IL1RAPL1: variants seen among roughly 807,000 people sequenced by gnomAD.
IL1RAPL1 encodes interleukin-1 receptor accessory protein-like 1.
IL1RAPL1 carries 3 observed loss-of-function variants against 48.4 expected under a neutral mutation model. That is an observed-to-expected ratio of 0.06 (90% confidence interval 0.03 to 0.16). The LOEUF (loss-of-function observed/expected upper bound fraction) is 0.16. Among genes scored for constraint, IL1RAPL1 ranks in the 10% least tolerant of loss-of-function variants. The pLI, the probability that IL1RAPL1 is intolerant of heterozygous loss-of-function variation, is 1.00. For missense variants in IL1RAPL1, 349 were observed against 530.6 expected (o/e 0.66, Z 3.36); for synonymous variants, 185 against 187.7 (o/e 0.99, Z 0.12).
In IL1RAPL1 at chrX:29,595,672, C is replaced by T. The variant is rs183752671; in HGVS notation, c.704-72758C>T. On this transcript the variant is annotated intron_variant, in intron 5 of 10. Transcript: ENST00000378993. The stretch of plus-strand genomic sequence containing the variant: ...TTTCATGTAAGGTTGTGAAGATTTT[C>T]TCCCACTCTGTGGATTTTCTGTTAA... Among the ~76,000 whole-genome samples the T allele has an allele frequency of 1.3e-3, 145 of 112,034 alleles. 1 individual carries two copies. The highest frequency in any genetic ancestry group is 4.5e-3 in the African/African-American group (140 of 30,855).
chrX:29,483,015 T>C (rs1428212151), intron 5 of IL1RAPL1, among the ~76,000 whole-genome samples: 2 of 112,267 alleles, frequency 1.8e-5, no homozygotes, highest in African/African-American at 3.2e-5. Flanking sequence ...GTTAAAAAGA[T>C]CAGTTCCTTT....
chrX:29,557,082 G>A, intron 5 of IL1RAPL1, among the ~76,000 whole-genome samples: 1 of 111,847 alleles, frequency 8.9e-6, no homozygotes, highest in South Asian at 3.8e-4. Context: ...TCCATAAGTG[G>A]CAAATAATAA....
intron 5 of IL1RAPL1, among the ~76,000 whole-genome samples, chrX:29,633,912 G>A (rs969070190): frequency 2.7e-5 from 3 of 111,333 alleles, no homozygotes; most frequent in Non-Finnish European, 5.7e-5. Context: ...CCACAAGGGC[G>A]CTTTTTTCCA....
At chrX:29,720,049 T>A (rs964160036) in intron 6 of IL1RAPL1, among the ~76,000 whole-genome samples, 1 of 111,855 alleles carries the variant, frequency 8.9e-6, no homozygotes, top group Non-Finnish European at 1.9e-5. Context: ...ATCAAAACCA[T>A]GAGATACCAT....
intron 2 of IL1RAPL1, among the ~76,000 whole-genome samples, chrX:28,987,062 T>C (rs1192733768): frequency 8.9e-6 from 1 of 112,611 alleles, no homozygotes; most frequent in Non-Finnish European, 1.9e-5. Context: ...GTAACTCCTT[T>C]GTACATGTGC....
rs962820512 is a variant in IL1RAPL1 at position 29,658,895 on chromosome X, G to A, written c.704-9535G>A. ...TATTCCTAATTATAATTTTCCTGCT[G>A]TACAATAGAGTACTAGAATTTATTC... is the stretch of plus-strand genomic sequence containing the variant. On this transcript the variant is annotated intron_variant, in intron 5 of 10. Coordinates refer to ENST00000378993, the MANE Select transcript of IL1RAPL1 (RefSeq NM_014271.4). 1.3e-4 allele frequency among the ~76,000 whole-genome samples: 14 copies of A among 111,764 alleles called. No individual in the cohort carries two copies. The Admixed American group carries it at 1.3e-3, about 11-fold the overall frequency.
chrX:29,775,279 A>G (rs1929168157), intron 6 of IL1RAPL1, among the ~76,000 whole-genome samples: 1 of 111,609 alleles, frequency 9.0e-6, no homozygotes, highest in Non-Finnish European at 1.9e-5. Flanking sequence ...AAAGAATAGA[A>G]ATTTCCTCTG....
intron 2 of IL1RAPL1, among the ~76,000 whole-genome samples, chrX:28,827,873 C>T (rs1937009469): frequency 1.8e-5 from 2 of 111,697 alleles, no homozygotes; most frequent in Non-Finnish European, 3.8e-5. Context: ...CCACTTTTCA[C>T]CTGCGGTATT....
chrX:28,621,583 T>C (rs1934285794), intron 1 of IL1RAPL1, among the ~76,000 whole-genome samples: 1 of 112,024 alleles, frequency 8.9e-6, no homozygotes, highest in Non-Finnish European at 1.9e-5. Context: ...ACAAATTCTA[T>C]GGCAAAAACC....
intron 1 of IL1RAPL1, among the ~76,000 whole-genome samples, chrX:28,746,589 T>A (rs1362902532): frequency 8.9e-6 from 1 of 112,185 alleles, no homozygotes; most frequent in Non-Finnish European, 1.9e-5. Context: ...TGATATAATA[T>A]GAATTTTTGT....
intron 3 of IL1RAPL1, among the ~76,000 whole-genome samples, chrX:29,375,612 G>C (rs1933612220): frequency 8.9e-6 from 1 of 111,820 alleles, no homozygotes; most frequent in Non-Finnish European, 1.9e-5. Context: ...GACCCTCTAA[G>C]GACTGGTTAG....
rs970761216 is a variant in IL1RAPL1, at chrX:29,956,352, A to G, written c.*532A>G. The G allele has an allele frequency of 4.7e-5, 5 of 106,202 alleles. No homozygotes were observed. The Admixed American group carries it at 5.0e-4, about 11-fold the overall frequency. The allele number at this position is 106,202 out of a possible 1,213,427, so 8.8% of individuals were successfully genotyped here. ...GGAAAAAAAAAAAAAAAAAAAAAAGATGAGAAGAACACTTGTTCATAGGAG... is the reference window on the plus strand; with the variant it reads ...GGAAAAAAAAAAAAAAAAAAAAAAGGTGAGAAGAACACTTGTTCATAGGAG... On this transcript the variant is annotated 3_prime_UTR_variant, in exon 11 of 11. Transcript: ENST00000378993.
chrX:29,217,767 T>G (rs866568335), intron 2 of IL1RAPL1, among the ~76,000 whole-genome samples: 3 of 71,186 alleles, frequency 4.2e-5, no homozygotes, highest in Non-Finnish European at 7.6e-5. Context: ...TCTCTCTCTC[T>G]CTCTCTCTCT....
chrX:29,196,303 T>G (rs895443641), intron 2 of IL1RAPL1, among the ~76,000 whole-genome samples: 2 of 112,165 alleles, frequency 1.8e-5, no homozygotes, highest in Non-Finnish European at 3.8e-5. Flanking sequence ...TTGTTCTAGC[T>G]CAGTAATAAC....
chrX:29,274,454 G>A (rs1461929781), intron 2 of IL1RAPL1, among the ~76,000 whole-genome samples: 1 of 112,352 alleles, frequency 8.9e-6, no homozygotes, highest in Non-Finnish European at 1.9e-5. Flanking sequence ...CAAGCTGTGT[G>A]TGTCTAATTT....
intron 2 of IL1RAPL1, among the ~76,000 whole-genome samples, chrX:29,163,021 C>T (rs1412979164): frequency 1.9e-5 from 2 of 106,859 alleles, no homozygotes; most frequent in African/African-American, 6.9e-5. Flanking sequence ...TGCAGTGAGC[C>T]GAGATCACGC....
At chrX:29,388,007 AAAAAAG>A (rs1933803195) in intron 3 of IL1RAPL1, among the ~76,000 whole-genome samples, 1 of 109,092 alleles carries the variant, frequency 9.2e-6, no homozygotes, top group South Asian at 4.0e-4. Context: ...AAAAAAAAGA[AAAAAAG>A]AAATATGCGT....
chrX:28,802,438 T>C (rs923144225), intron 2 of IL1RAPL1, among the ~76,000 whole-genome samples: 2 of 112,401 alleles, frequency 1.8e-5, no homozygotes, highest in Non-Finnish European at 3.8e-5. Flanking sequence ...GGGTTATATA[T>C]AAATATTTCT....
At chrX:28,840,688 T>G (rs1921347231) in intron 2 of IL1RAPL1, among the ~76,000 whole-genome samples, 1 of 111,167 alleles carries the variant, frequency 9.0e-6, no homozygotes, top group South Asian at 3.7e-4. Flanking sequence ...TTTCTGAATA[T>G]GAGTTATAAG....
Sources: allele counts gnomAD v4.1 joint callset (sites outside exome capture counted in the v4.1 genomes callset), GRCh38; gene constraint gnomAD v4.1.1; transcripts MANE v1.5; gene names NCBI Gene and HGNC (gene_info 2026-07-23, HGNC 2026-07-21).